The following OTOA variants were observed in gnomAD, a reference collection of about 807,000 sequenced individuals.
OTOA encodes cancer/testis antigen 108.
Under a neutral mutation model 110.8 loss-of-function variants are expected in OTOA, and 70 were observed. The observed-to-expected ratio is 0.63, with a 90% confidence interval of 0.52 to 0.77. The LOEUF (loss-of-function observed/expected upper bound fraction) is 0.77. OTOA is among the 30% of genes least tolerant of loss of function. The probability of loss-of-function intolerance (pLI) is 0.00; values close to 1 mark genes in which losing one functional copy is unlikely to be tolerated. For synonymous variants in OTOA, 373 were observed against 431.5 expected, an observed-to-expected ratio of 0.86 and a Z score of 1.68; for missense variants, 917 against 1,075.8, an observed-to-expected ratio of 0.85 and a Z score of 2.06.
At chr16:21,721,574 CT>C in intron 17 of OTOA, 1 of 435,388 alleles carries the variant, frequency 2.3e-6, no homozygotes, top group Non-Finnish European at 4.7e-6. Flanking sequence ...TTTGCTATTA[CT>C]TTTGAGAGTT....
At chr16:21,666,693 C>T (rs1459810118) in intron 1 of OTOA, among the ~76,000 whole-genome samples, 2 of 151,816 alleles carry the variant, frequency 1.3e-5, no homozygotes, top group Non-Finnish European at 1.5e-5. Context: ...TTCCTCCAGT[C>T]TGCAGTGGGG....
intron 28 of OTOA, among the ~76,000 whole-genome samples, chr16:21,758,859 G>C (rs459561): frequency 6.6e-6 from 1 of 150,420 alleles, no homozygotes; most frequent in Non-Finnish European, 1.5e-5. Flanking sequence ...AAAATTAGCC[G>C]GGTGTGGTGG....
rs529088559 is a variant in OTOA at position 21,727,990 on chromosome 16, G to A, written c.2017-251G>A. 5.3e-5 allele frequency among the ~76,000 whole-genome samples: 8 copies of A among 151,634 alleles called. No homozygotes were observed. The South Asian group carries it at 6.3e-4, about 12-fold the overall frequency. On this transcript the variant is annotated intron_variant, in intron 19 of 28. Transcript: ENST00000646100. The stretch of plus-strand genomic sequence containing the variant: ...AGCAATTCTTGTGCCTCAGCCTCTC[G>A]AGTAGCTGGGACTACAGGCATGTGC...
intron 13 of OTOA, among the ~76,000 whole-genome samples, chr16:21,711,585 C>T (rs1388819037): frequency 6.6e-6 from 1 of 152,220 alleles, no homozygotes; most frequent in African/African-American, 2.4e-5. Context: ...TCTCCTGCCT[C>T]AGCCTTCCGA....
chr16:21,688,074 G>A (rs567181236), intron 8 of OTOA, among the ~76,000 whole-genome samples: 5 of 152,080 alleles, frequency 3.3e-5, no homozygotes, highest in South Asian at 4.1e-4. Context: ...TGATATGCAC[G>A]TTTTGGAGCA....
chr16:21,698,776 A>G (rs1897993467), intron 10 of OTOA, among the ~76,000 whole-genome samples: 1 of 152,026 alleles, frequency 6.6e-6, no homozygotes, highest in African/African-American at 2.4e-5. Context: ...CCCCACTGCC[A>G]TTTACTCTCT....
At chr16:21,665,861 C>T (rs1391521054) in intron 1 of OTOA, among the ~76,000 whole-genome samples, 1 of 151,736 alleles carries the variant, frequency 6.6e-6, no homozygotes, top group African/African-American at 2.4e-5. Flanking sequence ...CAGGGTTTTG[C>T]TCTGTCACCC....
At chr16:21,751,912 C>G (rs1374409183) in intron 24 of OTOA, 23 bp from the exon 25 acceptor site, 3 of 268,954 alleles carry the variant, frequency 1.1e-5, no homozygotes, top group Non-Finnish European at 1.4e-5. Context: ...GATGGTTTAT[C>G]TTTTATTCTT....
intron 22 of OTOA, among the ~76,000 whole-genome samples, chr16:21,737,285 C>T (rs1899342287): frequency 1.3e-5 from 2 of 152,058 alleles, no homozygotes; most frequent in South Asian, 4.1e-4. Flanking sequence ...AGTATAGTGG[C>T]ATGATCTCGG....
chr16:21,734,400 C>A (rs1899217206), intron 21 of OTOA, among the ~76,000 whole-genome samples: 1 of 150,046 alleles, frequency 6.7e-6, no homozygotes, highest in Non-Finnish European at 1.5e-5. Context: ...GGGAGAAGAT[C>A]AGCAAAAATA....
intron 1 of OTOA, among the ~76,000 whole-genome samples, chr16:21,677,138 C>T (rs543312377): frequency 6.6e-6 from 1 of 152,268 alleles, no homozygotes; most frequent in African/African-American, 2.4e-5. Flanking sequence ...TTTCCAATAT[C>T]TGGCTACTAT....
rs576721103 is a variant in OTOA at position 21,677,498 on chromosome 16, T to C, written c.-4-1013T>C. On this transcript the variant is annotated intron_variant, in intron 1 of 28. Transcript: ENST00000646100. ...TCATATCTTTTTTTTTTTTTTTTTT[T>C]TGAGACGGAGTCTTGCTCTGTCGCC... Among the ~76,000 whole-genome samples, 4 of 150,218 alleles carry C rather than the reference T, an allele frequency of 2.7e-5. No individual in the cohort carries two copies. In the South Asian group the frequency reaches 6.3e-4, roughly 24 times the overall value.
Position 21,719,022 on chromosome 16 carries a change from C to T in OTOA, c.1630-111C>T, listed in dbSNP as rs1320473597. On this transcript the variant is annotated intron_variant, in intron 15 of 28. Transcript: ENST00000646100. ...TAACTCACATAGCCTGTTAAGCCTC[C>T]ATTTCCCCATCTGTAAAATGGGATT... The T allele has an allele frequency of 6.4e-6, 7 of 1,088,518 alleles. No homozygotes were observed. In the Admixed American group the frequency reaches 8.5e-5, roughly 13 times the overall value. The allele number at this position is 1,088,518 out of a possible 1,614,324, so 67.4% of individuals were successfully genotyped here.
intron 18 of OTOA, among the ~76,000 whole-genome samples, chr16:21,723,707 T>C (rs1329535378): frequency 6.6e-6 from 1 of 152,156 alleles, no homozygotes; most frequent in East Asian, 1.9e-4. Context: ...ACTTCAGGCA[T>C]GGCTCGATCT....
At chr16:21,688,186 G>C (rs1436005262) in intron 8 of OTOA, among the ~76,000 whole-genome samples, 1 of 151,844 alleles carries the variant, frequency 6.6e-6, no homozygotes, top group African/African-American at 2.4e-5. Context: ...TCAGCAGTTC[G>C]AGACCAGCCT....
chr16:21,707,602 T>TTTCTTTCA (rs1898209412), intron 12 of OTOA, among the ~76,000 whole-genome samples: 7 of 61,284 alleles, frequency 1.1e-4, no homozygotes, highest in Admixed American at 3.5e-4. Flanking sequence ...CTTTTCTTTC[T>TTTCTTTCA]TTCTTTCTTT....
At chr16:21,697,925 G>T (rs2141672778) in intron 10 of OTOA, 50 bp downstream of exon 10, 2 of 1,467,354 alleles carry the variant, frequency 1.4e-6, no homozygotes, top group Admixed American at 1.7e-5. Flanking sequence ...TACACTTGGG[G>T]TAAGGTGTAT....
At chr16:21,735,128 A>G (rs1899245997) in intron 21 of OTOA, among the ~76,000 whole-genome samples, 1 of 148,568 alleles carries the variant, frequency 6.7e-6, no homozygotes, top group Non-Finnish European at 1.5e-5. Flanking sequence ...GCAACAGAAC[A>G]AGACTCTGAA....
At chr16:21,667,882 C>A (rs1966843953) in intron 1 of OTOA, among the ~76,000 whole-genome samples, 1 of 152,070 alleles carries the variant, frequency 6.6e-6, no homozygotes, top group Non-Finnish European at 1.5e-5. Flanking sequence ...TTTTAAAAAA[C>A]TATTTAAACA....
Sources: gnomAD v4.1 joint callset for allele counts (sites outside exome capture counted in the v4.1 genomes callset) on GRCh38, gnomAD v4.1.1 for gene constraint, MANE v1.5 for transcripts, NCBI Gene and HGNC (gene_info 2026-07-23, HGNC 2026-07-21) for gene names.